Variants in CUL2 observed in about 807,000 individuals in gnomAD.
CUL2 encodes cullin 2.
Under a neutral mutation model 110.2 loss-of-function variants are expected in CUL2, and 22 were observed. The ratio of observed to expected loss-of-function variants is 0.20; its 90% CI spans 0.14 to 0.28. CUL2 has a LOEUF of 0.28. CUL2 is among the 10% of genes least tolerant of loss of function. The pLI is 1.00. For missense variants in CUL2, 631 were observed against 905.5 expected, an observed-to-expected ratio of 0.70 and a Z score of 3.89; for synonymous variants, 279 against 293.2, an observed-to-expected ratio of 0.95 and a Z score of 0.49.
upstream of CUL2, chr10:35,090,611 T>G (rs1044964432): frequency 1.3e-5 from 2 of 152,564 alleles, no homozygotes; most frequent in Non-Finnish European, 2.9e-5. Flanking sequence ...CTTCCGCTGC[T>G]GCCAAATCCC....
intron 10 of CUL2, among the ~76,000 whole-genome samples, chr10:35,034,513 T>A (rs2085569599): frequency 6.6e-6 from 1 of 152,194 alleles, no homozygotes; most frequent in Non-Finnish European, 1.5e-5. Flanking sequence ...ATCTTATAGA[T>A]GAAGGGCAAA....
chr10:35,084,933 C>T (rs568179074), intron 1 of CUL2, among the ~76,000 whole-genome samples: 148 of 152,134 alleles, frequency 9.7e-4, no homozygotes, highest in Non-Finnish European at 1.6e-3. Flanking sequence ...GCCTGGCCAA[C>T]ATGGTGAAAC....
At chr10:35,124,678 G>A (rs113757608) in intron 1 of CUL2, among the ~76,000 whole-genome samples, 1 of 152,146 alleles carries the variant, frequency 6.6e-6, no homozygotes, top group Non-Finnish European at 1.5e-5. Flanking sequence ...CAAGAGGCAC[G>A]ATACTAACAC....
At chr10:35,063,381 G>C (rs111461522) in intron 2 of CUL2, among the ~76,000 whole-genome samples, 2,097 of 152,048 alleles carry the variant, frequency 0.014, 50 homozygotes, top group African/African-American at 0.048. Context: ...TACAAAATAA[G>C]GTTTATATTA....
intron 5 of CUL2, among the ~76,000 whole-genome samples, chr10:35,052,588 GT>G (rs2086138324): frequency 6.6e-6 from 1 of 152,168 alleles, no homozygotes; most frequent in African/African-American, 2.4e-5. Flanking sequence ...CTGCAGTGTT[GT>G]TTGTAATAAC....
chr10:35,049,272 G>A (rs2086028893), intron 6 of CUL2, among the ~76,000 whole-genome samples: 1 of 152,168 alleles, frequency 6.6e-6, no homozygotes, highest in African/African-American at 2.4e-5. Flanking sequence ...ATAACACTGA[G>A]GCTAAGAGGT....
chr10:35,036,520 G>A (rs534873527), intron 9 of CUL2, among the ~76,000 whole-genome samples: 1 of 152,188 alleles, frequency 6.6e-6, no homozygotes, highest in East Asian at 1.9e-4. Context: ...CCCACTTAGC[G>A]GTCAGTGCCA....
chr10:35,061,326 T>C lies in CUL2; in HGVS notation c.223-358A>G, dbSNP rs558795571. Among the ~76,000 whole-genome samples, 7 of 151,886 alleles carry C rather than the reference T, an allele frequency of 4.6e-5. No homozygotes were observed. In the South Asian group the frequency reaches 8.3e-4, roughly 18 times the overall value. ...CCGTCTCTACTAAATAAAAAAAAATTAGCCAGCCGTGGTGGCACATGCCTG... is the reference window on the plus strand; with the variant it reads ...CCGTCTCTACTAAATAAAAAAAAATCAGCCAGCCGTGGTGGCACATGCCTG... On this transcript the variant is annotated intron_variant, in intron 3 of 20. Coordinates refer to ENST00000374749, the MANE Select transcript of CUL2 (RefSeq NM_003591.4).
intron 2 of CUL2, among the ~76,000 whole-genome samples, chr10:35,069,383 T>A (rs2134978183): frequency 6.6e-6 from 1 of 151,806 alleles, no homozygotes. Flanking sequence ...TACAAAAAAA[T>A]TTTAAAAATC....
intron 1 of CUL2, among the ~76,000 whole-genome samples, chr10:35,106,581 C>T (rs1353282986): frequency 6.6e-6 from 1 of 151,858 alleles, no homozygotes; most frequent in Non-Finnish European, 1.5e-5. Context: ...ATCCGCCCAC[C>T]TCGGCCTCCC....
intron 1 of CUL2, among the ~76,000 whole-genome samples, chr10:35,083,608 C>G (rs1387559559): frequency 1.3e-5 from 2 of 152,184 alleles, no homozygotes; most frequent in Admixed American, 1.3e-4. Flanking sequence ...GCTTTCCCCC[C>G]ACAAAGAGGG....
At position 35,044,558 on chromosome 10, in the gene CUL2, T is replaced by C. The variant is rs1378456558; in HGVS notation, c.714+8A>G. 1.3e-6 allele frequency: 2 copies of C among 1,535,574 alleles called. No homozygotes were observed. Among genetic ancestry groups the C allele is most frequent in the Non-Finnish European group, 1.8e-6 (2 of 1,122,244 alleles). The stretch of plus-strand genomic sequence containing the variant: ...AGATAAATGTATTCGATATGTTTTA[T>C]TTCTTACCTTTTCCATATACTGTGA... On this transcript the variant is annotated splice_region_variant and intron_variant, in intron 8 of 20. Coordinates refer to ENST00000374749, the MANE Select transcript of CUL2 (RefSeq NM_003591.4).
chr10:35,081,485 G>A (rs2086946380), intron 1 of CUL2, among the ~76,000 whole-genome samples: 1 of 152,132 alleles, frequency 6.6e-6, no homozygotes, highest in South Asian at 2.1e-4. Context: ...CCGATCTCAG[G>A]TAAATTAGAG....
chr10:35,029,484 A>G lies in CUL2; in HGVS notation c.1539+4T>C. 1.3e-6 allele frequency: 2 copies of G among 1,511,966 alleles called. No individual in the cohort carries two copies. Among genetic ancestry groups the G allele is most frequent in the Non-Finnish European group, 1.8e-6 (2 of 1,120,592 alleles). 93.7% of individuals were successfully genotyped at this position (1,511,966 alleles called of 1,614,324 possible). On this transcript the variant is annotated splice_donor_region_variant and intron_variant, in intron 15 of 20. Coordinates refer to ENST00000374749, the MANE Select transcript of CUL2 (RefSeq NM_003591.4). Reference sequence around the variant, plus strand: ...AATGCTCATAGTAAAACACATATTCATACCTGTAGAACATATATTTGAAAA... The same window carrying G: ...AATGCTCATAGTAAAACACATATTCGTACCTGTAGAACATATATTTGAAAA...
At chr10:35,088,690 A>G (rs182717696) in intron 1 of CUL2, among the ~76,000 whole-genome samples, 16 of 152,246 alleles carry the variant, frequency 1.1e-4, no homozygotes, top group Non-Finnish European at 1.5e-4. Context: ...GGTAAAAGAC[A>G]TGGATAATCT....
At position 35,031,931 on chromosome 10, in the gene CUL2, A is replaced by G. The variant is rs1252493911; in HGVS notation, c.1171-312T>C. Among the ~76,000 whole-genome samples the G allele has an allele frequency of 1.3e-5, 2 of 152,228 alleles. No individual in the cohort carries two copies. Among genetic ancestry groups the G allele is most frequent in the African/African-American group, 2.4e-5 (1 of 41,466 alleles). ...ATCATAAATGTAAACTAAATAAAAT[A>G]TACATCATAAGGTAAATTTTTAAAA... On this transcript the variant is annotated intron_variant, in intron 12 of 20. Transcript: ENST00000374749. The surrounding 1 kb of genome is among the most constrained non-coding windows in gnomAD (Gnocchi z 4.4).
chr10:35,030,025 G>C (rs1181835205), intron 14 of CUL2, among the ~76,000 whole-genome samples: 3 of 152,198 alleles, frequency 2.0e-5, no homozygotes, highest in African/African-American at 7.2e-5. Context: ...TGCCCATGCT[G>C]CAACGCAGTG....
rs2084956065 is a variant in CUL2, at chr10:35,013,587, C to T, written c.1989+112G>A. 4.7e-6 allele frequency: 3 copies of T among 640,512 alleles called. No individual in the cohort carries two copies. In the African/African-American group the frequency reaches 5.7e-5, roughly 12 times the overall value. 39.7% of individuals were successfully genotyped at this position (640,512 alleles called of 1,614,324 possible). On this transcript the variant is annotated intron_variant, in intron 19 of 20. Transcript: ENST00000374749. The stretch of plus-strand genomic sequence containing the variant: ...AACAACAAACCAGAAAAGACATATC[C>T]CATTATTAATTTTGCTGTGCAAAGT...
chr10:35,055,885 G>C (rs1187940258), intron 4 of CUL2, among the ~76,000 whole-genome samples: 1 of 152,100 alleles, frequency 6.6e-6, no homozygotes, highest in Admixed American at 6.6e-5. Context: ...AGGTAAAGAG[G>C]GGATGGCCTC....
Sources: gnomAD v4.1 joint callset for allele counts (sites outside exome capture counted in the v4.1 genomes callset) on GRCh38, gnomAD v4.1.1 for gene constraint, Gnocchi (gnomAD v3.1) non-coding constraint, MANE v1.5 for transcripts, NCBI Gene and HGNC (gene_info 2026-07-23, HGNC 2026-07-21) for gene names.